The following VPS13B variants were observed in gnomAD, a reference collection of about 807,000 sequenced individuals.
VPS13B encodes vacuolar protein sorting 13 homolog B.
Under a neutral mutation model 426.4 loss-of-function variants are expected in VPS13B, and 285 were observed. The observed-to-expected ratio is 0.67, with a 90% CI of 0.61 to 0.74. The LOEUF (loss-of-function observed/expected upper bound fraction) is 0.74. Among genes scored for constraint, VPS13B ranks in the 30% least tolerant of loss-of-function variants. The pLI is 0.00. For synonymous variants in VPS13B, 1,676 were observed against 1,676.4 expected (o/e 1.00, Z 0.01); for missense variants, 4,537 against 4,782.6 (o/e 0.95, Z 1.51).
intron 21 of VPS13B, among the ~76,000 whole-genome samples, chr8:99,392,734 A>T (rs1322123094): frequency 1.3e-5 from 2 of 152,132 alleles, no homozygotes; most frequent in Non-Finnish European, 2.9e-5. Flanking sequence ...TTTATACATA[A>T]GTATTATTAT....
At chr8:99,287,963 T>C (rs187088946) in intron 19 of VPS13B, among the ~76,000 whole-genome samples, 2 of 152,138 alleles carry the variant, frequency 1.3e-5, no homozygotes, top group Admixed American at 1.3e-4. Flanking sequence ...TCTAAAACTA[T>C]ATCCCAAGTG....
At chr8:99,361,231 C>T (rs1250746095) in intron 19 of VPS13B, among the ~76,000 whole-genome samples, 2 of 152,202 alleles carry the variant, frequency 1.3e-5, no homozygotes, top group Non-Finnish European at 2.9e-5. Flanking sequence ...ATTCATTAGA[C>T]ACTCACCTGC....
intron 17 of VPS13B, chr8:99,241,457 T>A (rs149414435): frequency 2.6e-5 from 4 of 152,316 alleles, no homozygotes; most frequent in African/African-American, 9.6e-5. Context: ...TACTGAAATG[T>A]GAAAGACAAA....
At chr8:99,080,823 G>GAAAC (rs1002039343) in intron 3 of VPS13B, among the ~76,000 whole-genome samples, 1 of 152,084 alleles carries the variant, frequency 6.6e-6, no homozygotes, top group Non-Finnish European at 1.5e-5. Context: ...TTAGAATGGT[G>GAAAC]GTTTGTAAGG....
chr8:99,825,920 T>A (rs1208471271), intron 51 of VPS13B, among the ~76,000 whole-genome samples: 1 of 152,060 alleles, frequency 6.6e-6, no homozygotes, highest in East Asian at 1.9e-4. Flanking sequence ...TTCTGTTCCA[T>A]TGTTCTATAT....
intron 17 of VPS13B, among the ~76,000 whole-genome samples, chr8:99,239,931 A>G (rs1339697710): frequency 6.6e-6 from 1 of 152,180 alleles, no homozygotes; most frequent in Non-Finnish European, 1.5e-5. Flanking sequence ...AGTTAAAATA[A>G]TACTTAATAA....
intron 33 of VPS13B, among the ~76,000 whole-genome samples, chr8:99,629,787 A>C (rs1828763556): frequency 6.6e-6 from 1 of 152,188 alleles, no homozygotes; most frequent in African/African-American, 2.4e-5. Context: ...GATTTCTCTA[A>C]TTCACCTGAG....
At chr8:99,658,263 C>G (rs1160118836) in intron 34 of VPS13B, among the ~76,000 whole-genome samples, 1 of 152,120 alleles carries the variant, frequency 6.6e-6, no homozygotes. Context: ...AAATGACTGC[C>G]TCTTCACGTG....
chr8:99,517,728 T>C lies in VPS13B; in HGVS notation c.4634-3171T>C, dbSNP rs537015597. ...CCTCATGAGGCTCAATTTTAAAAAATAGAGTTAAAGCAAGGAAGGAAGGCA... is the reference window on the plus strand; with the variant it reads ...CCTCATGAGGCTCAATTTTAAAAAACAGAGTTAAAGCAAGGAAGGAAGGCA... On this transcript the variant is annotated intron_variant, in intron 29 of 61. Coordinates refer to ENST00000357162, the MANE Select transcript of VPS13B (RefSeq NM_152564.5). Among the ~76,000 whole-genome samples, 6 of 152,138 alleles carry C rather than the reference T, an allele frequency of 3.9e-5. No homozygotes were observed. In the East Asian group the frequency reaches 1.2e-3, roughly 29 times the overall value.
chr8:99,692,736 A>G (rs1423973667), intron 35 of VPS13B, among the ~76,000 whole-genome samples: 1 of 147,894 alleles, frequency 6.8e-6, no homozygotes, highest in East Asian at 2.0e-4. Context: ...AAACCCTTCA[A>G]AAAATCAATG....
intron 19 of VPS13B, among the ~76,000 whole-genome samples, chr8:99,300,802 C>G (rs1403846427): frequency 2.0e-5 from 3 of 151,674 alleles, no homozygotes; most frequent in Admixed American, 2.0e-4. Flanking sequence ...CTCAAGTATC[C>G]CACTGTGAAA....
chr8:99,223,168 A>G (rs1815823834), intron 17 of VPS13B, among the ~76,000 whole-genome samples: 1 of 152,184 alleles, frequency 6.6e-6, no homozygotes, highest in African/African-American at 2.4e-5. Context: ...GGGAAACTTT[A>G]ATTTTAGAAA....
At chr8:99,754,736 C>T (rs758297112) in intron 39 of VPS13B, among the ~76,000 whole-genome samples, 11 of 152,118 alleles carry the variant, frequency 7.2e-5, no homozygotes, top group Non-Finnish European at 1.0e-4. Flanking sequence ...GGTTTTATCA[C>T]CATCTTAACA....
At chr8:99,467,268 G>C in intron 23 of VPS13B, 146 bp from the exon 24 acceptor site, 1 of 807,138 alleles carries the variant, frequency 1.2e-6, no homozygotes, top group African/African-American at 1.7e-5. Context: ...AAATTGTTTA[G>C]CACCGTGGTC....
chr8:99,178,522 A>G (rs1020575969), intron 16 of VPS13B, among the ~76,000 whole-genome samples: 6 of 152,126 alleles, frequency 3.9e-5, no homozygotes, highest in South Asian at 2.1e-4. Flanking sequence ...CCTTATTTCT[A>G]TTTTATAGAT....
intron 19 of VPS13B, among the ~76,000 whole-genome samples, chr8:99,354,916 C>T (rs1030051831): frequency 6.6e-6 from 1 of 151,646 alleles, no homozygotes; most frequent in Non-Finnish European, 1.5e-5. Flanking sequence ...GGATTTTTAG[C>T]CTAGGGAGAG....
At chr8:99,464,035 G>T (rs78178999) in intron 23 of VPS13B, among the ~76,000 whole-genome samples, 9,908 of 152,174 alleles carry the variant, frequency 0.065, 444 homozygotes, top group African/African-American at 0.12. Flanking sequence ...CTAGTTTGGA[G>T]TAATAAACAC....
At chr8:99,296,246 A>G (rs1253897334) in intron 19 of VPS13B, among the ~76,000 whole-genome samples, 1 of 152,164 alleles carries the variant, frequency 6.6e-6, no homozygotes, top group Non-Finnish European at 1.5e-5. Flanking sequence ...ACCTGTGTAC[A>G]TATAATTTCT....
rs201729748 is a variant in VPS13B, at chr8:99,708,849, C to CTCTCTCTA, written c.6455-8321_6455-8320insCTCTCTAT. Among the ~76,000 whole-genome samples, 717 of 147,328 alleles carry CTCTCTCTA rather than the reference C, an allele frequency of 4.9e-3. 8 individuals carry two copies. Among genetic ancestry groups the CTCTCTCTA allele is most frequent in the East Asian group, 0.038 (191 of 5,010 alleles). Reference sequence around the variant, plus strand: ...TCTCTGTCTCTCTCTCTCTCTCTCTCTATATATATATATAGGCTCTCTCTT... The same window carrying CTCTCTCTA: ...TCTCTGTCTCTCTCTCTCTCTCTCTCTCTCTCTATATATATATATATAGGCTCTCTCTT... On this transcript the variant is annotated intron_variant, in intron 36 of 61. Coordinates refer to ENST00000357162, the MANE Select transcript of VPS13B (RefSeq NM_152564.5).
Sources: gnomAD v4.1 joint callset for allele counts (sites outside exome capture counted in the v4.1 genomes callset) on GRCh38, gnomAD v4.1.1 for gene constraint, MANE v1.5 for transcripts, NCBI Gene and HGNC (gene_info 2026-07-23, HGNC 2026-07-21) for gene names.